MCM8: variants seen among roughly 807,000 people sequenced by gnomAD.
MCM8 encodes minichromosome maintenance 8 homologous recombination repair factor, also known as DNA helicase MCM8.
In MCM8, 85 loss-of-function variants were observed where a neutral mutation model predicts 98.9. The ratio of observed to expected loss-of-function variants is 0.86; its 90% CI spans 0.72 to 1.03. The LOEUF is 1.03. Ranked by LOEUF, MCM8 falls within the 50% of genes least tolerant of loss-of-function variation. The pLI, the probability that MCM8 is intolerant of heterozygous loss-of-function variation, is 0.00. For synonymous variants in MCM8, 352 were observed against 338.6 expected (o/e 1.04, Z -0.44); for missense variants, 951 against 997.8 (o/e 0.95, Z 0.63).
intron 16 of MCM8, among the ~76,000 whole-genome samples, chr20:5,986,755 T>TA (rs562682480): frequency 6.6e-6 from 1 of 152,258 alleles, no homozygotes; most frequent in South Asian, 2.1e-4. Context: ...AAATATACGT[T>TA]AACAAGTAAA....
intron 13 of MCM8, among the ~76,000 whole-genome samples, chr20:5,978,314 T>C (rs236104): frequency 0.41 from 57,036 of 138,402 alleles, 15,291 homozygotes; most frequent in African/African-American, 0.76. Context: ...CCACCTATCA[T>C]ATTTGTGATC....
intron 7 of MCM8, among the ~76,000 whole-genome samples, chr20:5,960,149 T>C (rs904322089): frequency 6.6e-6 from 1 of 152,242 alleles, no homozygotes; most frequent in African/African-American, 2.4e-5. Flanking sequence ...TAAATAATAC[T>C]GCATTTATAA....
At chr20:5,963,632 A>G (rs1272153796) in intron 8 of MCM8, among the ~76,000 whole-genome samples, 2 of 140,898 alleles carry the variant, frequency 1.4e-5, no homozygotes, top group African/African-American at 5.4e-5. Flanking sequence ...GGTTCATGCC[A>G]CTCTCCTGCC....
chr20:5,971,643 A>C (rs979342975), intron 10 of MCM8, among the ~76,000 whole-genome samples: 20 of 152,220 alleles, frequency 1.3e-4, no homozygotes, highest in African/African-American at 4.8e-4. Flanking sequence ...ACTTGGCTGC[A>C]CAGTCTCAAG....
At chr20:5,956,583 G>A (rs2122658151) in intron 5 of MCM8, among the ~76,000 whole-genome samples, 1 of 152,190 alleles carries the variant, frequency 6.6e-6, no homozygotes, top group Non-Finnish European at 1.5e-5. Flanking sequence ...TAGTAGAGAT[G>A]GGGTTTCACC....
rs750052397 is a variant in MCM8 at position 5,973,097 on chromosome 20, C to G, written c.1296C>G (p.Ser432Arg). 1 of 1,614,136 alleles carries G rather than the reference C, an allele frequency of 6.2e-7. No individual in the cohort carries two copies. Among genetic ancestry groups the G allele is most frequent in the South Asian group, 1.1e-5 (1 of 91,076 alleles). The change falls in exon 12 of 19, where the codon AGC becomes AGG. Residue 432 changes from serine to arginine, a missense_variant. Physicochemically the swap from Ser to Arg is moderately radical, Grantham distance 110. Coordinates refer to ENST00000610722, the MANE Select transcript of MCM8 (RefSeq NM_032485.6). ...AGLALALFGG[S>R]QKYADDKNRI... ...TGGCATTAGCACTCTTTGGAGGAAG[C>G]CAGAAATACGCAGATGACAAAAACA...
Position 5,993,570 on chromosome 20 carries a change from G to A in MCM8, c.2305G>A (p.Gly769Arg). ...TTTTGAGCGATCCCAGCATGGTTCT[G>A]GAATGAGCAACAGGTCAACAGCGAA... is the stretch of plus-strand genomic sequence containing the variant. ...LDFERSQHGS[G>R]MSNRSTAKRF... Residue 769 changes from glycine (G) to arginine (R), a missense_variant, in exon 18 of 19, where the codon GGA (glycine) becomes AGA (arginine). Transcript: ENST00000610722. The A allele has an allele frequency of 1.2e-6, 2 of 1,611,662 alleles. No individual in the cohort carries two copies. The highest frequency in any genetic ancestry group is 2.2e-5 in the East Asian group (1 of 44,866).
At chr20:5,983,695 A>G (rs1438712058) in intron 14 of MCM8, among the ~76,000 whole-genome samples, 1 of 151,636 alleles carries the variant, frequency 6.6e-6, no homozygotes, top group East Asian at 2.0e-4. Flanking sequence ...GTGAGACGCC[A>G]TGTCAAAAAA....
chr20:5,953,468 T>C (rs1346825482), intron 3 of MCM8, among the ~76,000 whole-genome samples: 4 of 142,392 alleles, frequency 2.8e-5, no homozygotes, highest in African/African-American at 7.6e-5. Context: ...TGTGTGTGTG[T>C]GTGCATACTT....
At chr20:5,958,799 C>T in intron 7 of MCM8, 73 bp downstream of exon 7, 1 of 1,364,650 alleles carries the variant, frequency 7.3e-7, no homozygotes, top group Non-Finnish European at 1.0e-6. Flanking sequence ...AAACATTTCC[C>T]AGTGTTTCTG....
intron 17 of MCM8, 127 bp downstream of exon 17, chr20:5,987,485 C>A: frequency 1.5e-6 from 1 of 648,646 alleles, no homozygotes; most frequent in Non-Finnish European, 2.5e-6. Flanking sequence ...AAACAGAGTA[C>A]CGTTTCTTAG....
chr20:5,956,882 T>G (rs1026549222), intron 5 of MCM8, among the ~76,000 whole-genome samples: 2 of 152,096 alleles, frequency 1.3e-5, no homozygotes, highest in African/African-American at 4.8e-5. Context: ...TAGGTTTAGT[T>G]GGGACAGAAA....
chr20:5,993,637 A>C lies in MCM8; in HGVS notation c.2372A>C (p.Tyr791Ser). 1 of 1,611,218 alleles carries C rather than the reference A, an allele frequency of 6.2e-7. No individual in the cohort carries two copies. The highest frequency in any genetic ancestry group is 8.5e-7 in the Non-Finnish European group (1 of 1,178,174). ...SALNNVAERT[Y>S]NNIFQFHQLR... The stretch of plus-strand genomic sequence containing the variant: ...CTCAACAACGTTGCTGAAAGAACTT[A>C]TAATAATATATTTCAATTTCATCAA... Residue 791 changes from tyrosine (Y) to serine (S), a missense_variant, in exon 18 of 19, where the codon TAT becomes TCT. Coordinates refer to ENST00000610722, the MANE Select transcript of MCM8 (RefSeq NM_032485.6).
chr20:5,959,027 A>T (rs1297572990), intron 7 of MCM8, among the ~76,000 whole-genome samples: 2 of 152,134 alleles, frequency 1.3e-5, no homozygotes, highest in South Asian at 2.1e-4. Flanking sequence ...GATGATCATT[A>T]TCCTGAAGTT....
chr20:5,958,748 T>G, intron 7 of MCM8, 22 bp downstream of exon 7: 1 of 1,598,584 alleles, frequency 6.3e-7, no homozygotes, highest in Non-Finnish European at 8.6e-7. Flanking sequence ...TTTAACTGCT[T>G]CTTTATTTAT....
rs747825147 is a variant in MCM8, at chr20:5,957,109, A to T, written c.487-17A>T. The T allele has an allele frequency of 6.4e-7, 1 of 1,564,314 alleles. No individual in the cohort carries two copies. ...GTTTTGTTTTCCAACTTCAGAGTAA[A>T]TGTCTGTCCTGTTTAGGTGTTAACT... On this transcript the variant is annotated splice_polypyrimidine_tract_variant and intron_variant, in intron 5 of 18. Coordinates refer to ENST00000610722, the MANE Select transcript of MCM8 (RefSeq NM_032485.6).
At chr20:5,952,706 A>G (rs73894094) in intron 3 of MCM8, among the ~76,000 whole-genome samples, 178 bp downstream of exon 3, 3,677 of 152,338 alleles carry the variant, frequency 0.024, 134 homozygotes, top group African/African-American at 0.077. Context: ...TATATCAGTC[A>G]GGAAAGCAGA....
intron 17 of MCM8, among the ~76,000 whole-genome samples, chr20:5,992,966 C>T (rs770304737): frequency 2.0e-5 from 3 of 152,158 alleles, no homozygotes; most frequent in Non-Finnish European, 4.4e-5. Context: ...GTACGTACTT[C>T]TTTCCTTGGT....
Position 5,972,848 on chromosome 20 carries a change from C to G in MCM8, c.1255-208C>G, listed in dbSNP as rs563685570. The G allele has an allele frequency of 1.8e-4, 248 of 1,349,896 alleles. 2 individuals carry two copies. The Middle Eastern group carries it at 2.8e-3, about 15-fold the overall frequency. 83.6% of individuals were successfully genotyped at this position (1,349,896 alleles called of 1,614,324 possible). A position where few individuals can be genotyped will look rare whatever the true frequency, so the allele number is the denominator to read the frequency against. On this transcript the variant is annotated intron_variant, in intron 11 of 18. Transcript: ENST00000610722. ...TAGCTCTTAGTAATTTCTAAGATAG[C>G]TCTGATTTTATATGTTTTCAAGTTT...
Sources: allele counts gnomAD v4.1 joint callset (sites outside exome capture counted in the v4.1 genomes callset), GRCh38; gene constraint gnomAD v4.1.1; transcripts MANE v1.5; gene names NCBI Gene and HGNC (gene_info 2026-07-23, HGNC 2026-07-21).